Variants in ADK observed in about 807,000 individuals in gnomAD.
ADK encodes the protein N6,N6-dimethyladenosine kinase.
A neutral mutation model predicts 44.7 loss-of-function variants in ADK; 24 were observed. The observed-to-expected ratio is 0.54, with a 90% confidence interval of 0.39 to 0.76. ADK has a LOEUF of 0.76. Ranked by LOEUF, ADK falls within the 30% of genes least tolerant of loss-of-function variation. ADK has a pLI of 0.00. For missense variants in ADK, 321 were observed against 425.1 expected (o/e 0.76, Z 2.15); for synonymous variants, 128 against 142.6 (o/e 0.90, Z 0.73).
intron 4 of ADK, among the ~76,000 whole-genome samples, chr10:74,391,733 C>T (rs868117195): frequency 9.3e-5 from 14 of 151,232 alleles, no homozygotes; most frequent in African/African-American, 3.4e-4. Context: ...AACATTAACT[C>T]TACCATCTTA....
chr10:74,433,844 T>A (rs991721434), intron 6 of ADK, among the ~76,000 whole-genome samples: 3 of 152,172 alleles, frequency 2.0e-5, no homozygotes, highest in Non-Finnish European at 2.9e-5. Flanking sequence ...AGGGAATTAC[T>A]ATGATCAAAA....
At chr10:74,488,435 C>T (rs911250903) in intron 6 of ADK, among the ~76,000 whole-genome samples, 14 of 147,976 alleles carry the variant, frequency 9.5e-5, no homozygotes, top group Middle Eastern at 3.5e-3. Context: ...GATACATATA[C>T]GTAAATAGCA....
intron 9 of ADK, among the ~76,000 whole-genome samples, chr10:74,646,159 A>G (rs1854047336): frequency 1.3e-5 from 2 of 152,198 alleles, no homozygotes; most frequent in African/African-American, 4.8e-5. Context: ...CTTATTATAG[A>G]GTGGTCTGAG....
rs11818752 is a variant in ADK at position 74,400,550 on chromosome 10, G to A, written c.555+1971G>A. Among the ~76,000 whole-genome samples, 762 of 152,306 alleles carry A rather than the reference G, an allele frequency of 5.0e-3. 12 individuals carry two copies. Among genetic ancestry groups the A allele is most frequent in the African/African-American group, 0.017 (710 of 41,568 alleles). ...ATCTGTAATTCCCTTTGATTTCAGA[G>A]CATTCCGAAATGATGTGTAGTCTAG... On this transcript the variant is annotated intron_variant, in intron 6 of 10. Coordinates refer to ENST00000539909, the MANE Select transcript of ADK (RefSeq NM_006721.4).
intron 1 of ADK, among the ~76,000 whole-genome samples, chr10:74,182,348 T>TATTTATTTA (rs1554826374): frequency 6.9e-6 from 1 of 145,650 alleles, no homozygotes; most frequent in Non-Finnish European, 1.5e-5. Context: ...ACAGAAATCT[T>TATTTATTTA]TTTATTTATT....
At chr10:74,243,853 C>CA (rs559092640) in intron 3 of ADK, among the ~76,000 whole-genome samples, 1 of 152,040 alleles carries the variant, frequency 6.6e-6, no homozygotes, top group Non-Finnish European at 1.5e-5. Context: ...GATTACGTCT[C>CA]AAAAAAAATT....
intron 3 of ADK, among the ~76,000 whole-genome samples, chr10:74,294,485 C>G (rs1025486288): frequency 6.6e-6 from 1 of 152,222 alleles, no homozygotes; most frequent in Admixed American, 6.5e-5. Flanking sequence ...TGGGGTTTCA[C>G]CGTGTTGGCC....
rs1197273342 is a variant in ADK, at chr10:74,689,051, C to T, written c.964+18782C>T. ...GATCATGAGGTCAGGAGATCGAGAC[C>T]ATCCTGGCTAACATGGTGAAACCCC... On this transcript the variant is annotated intron_variant, in intron 10 of 10. Transcript: ENST00000539909. 2.6e-5 allele frequency among the ~76,000 whole-genome samples: 4 copies of T among 152,046 alleles called. No homozygotes were observed. The East Asian group carries it at 7.7e-4, about 29-fold the overall frequency.
chr10:74,160,714 T>TGG (rs1841871074), intron 1 of ADK, among the ~76,000 whole-genome samples: 1 of 149,872 alleles, frequency 6.7e-6, no homozygotes, highest in Admixed American at 6.7e-5. Flanking sequence ...TGTGTGTGTG[T>TGG]GTGTATGTGT....
intron 10 of ADK, among the ~76,000 whole-genome samples, chr10:74,688,980 T>C (rs1855887872): frequency 6.6e-6 from 1 of 151,598 alleles, no homozygotes; most frequent in South Asian, 2.1e-4. Context: ...CTGGGGGGCA[T>C]GGTGGCTCAC....
chr10:74,280,130 ATC>A (rs1339266465), intron 3 of ADK, among the ~76,000 whole-genome samples: 2 of 151,908 alleles, frequency 1.3e-5, no homozygotes, highest in Non-Finnish European at 2.9e-5. Flanking sequence ...TTTTAGTGAT[ATC>A]TGTGTTTTTT....
At chr10:74,613,612 A>G (rs970875402) in intron 9 of ADK, among the ~76,000 whole-genome samples, 8 of 152,130 alleles carry the variant, frequency 5.3e-5, no homozygotes, top group Non-Finnish European at 7.4e-5. Flanking sequence ...GTCCTTAAAG[A>G]AACGTGTTAC....
chr10:74,236,762 A>C (rs1004366158), intron 3 of ADK, among the ~76,000 whole-genome samples: 1 of 152,228 alleles, frequency 6.6e-6, no homozygotes, highest in African/African-American at 2.4e-5. Flanking sequence ...AGTGCATATA[A>C]AAGTTGTGGT....
chr10:74,345,096 G>A (rs1841717500), intron 4 of ADK, among the ~76,000 whole-genome samples: 1 of 152,194 alleles, frequency 6.6e-6, no homozygotes, highest in Non-Finnish European at 1.5e-5. Context: ...GCTTTTCTTT[G>A]TGGGTAGTTT....
chr10:74,543,209 TAA>T (rs764981876), intron 7 of ADK, among the ~76,000 whole-genome samples: 8 of 140,968 alleles, frequency 5.7e-5, no homozygotes, highest in Non-Finnish European at 6.2e-5. Context: ...CTATTTCATT[TAA>T]AAAAAAAAAA....
chr10:74,172,710 A>AG (rs2132058469), intron 1 of ADK, among the ~76,000 whole-genome samples: 1 of 137,202 alleles, frequency 7.3e-6, no homozygotes, highest in South Asian at 2.3e-4. Flanking sequence ...AAAAAAAAAA[A>AG]GCGGATCACG....
chr10:74,166,181 C>T (rs1488298284), intron 1 of ADK, among the ~76,000 whole-genome samples: 1 of 152,228 alleles, frequency 6.6e-6, no homozygotes, highest in Non-Finnish European at 1.5e-5. Flanking sequence ...CTTAGGTGAT[C>T]TGCCCGCCTC....
intron 4 of ADK, among the ~76,000 whole-genome samples, chr10:74,321,259 A>G (rs1339262931): frequency 2.0e-5 from 3 of 152,012 alleles, no homozygotes; most frequent in South Asian, 4.1e-4. Context: ...TGTAATTATT[A>G]TAACATTGAG....
At chr10:74,604,981 A>C (rs904877546) in intron 9 of ADK, among the ~76,000 whole-genome samples, 2 of 152,096 alleles carry the variant, frequency 1.3e-5, no homozygotes, top group African/African-American at 4.8e-5. Context: ...TTGTATTCCT[A>C]GGTATTTTAT....
Sources: gnomAD v4.1 joint callset for allele counts (sites outside exome capture counted in the v4.1 genomes callset) on GRCh38, gnomAD v4.1.1 for gene constraint, MANE v1.5 for transcripts, NCBI Gene and HGNC (gene_info 2026-07-23, HGNC 2026-07-21) for gene names.